Variants in GALNT18 observed in about 807,000 individuals in gnomAD.
GALNT18 encodes the protein polypeptide N-acetylgalactosaminyltransferase 18.
A neutral mutation model predicts 69.5 loss-of-function variants in GALNT18; 44 were observed. The ratio of observed to expected loss-of-function variants is 0.63; its 90% CI spans 0.50 to 0.81. The LOEUF is 0.81. Among genes scored for constraint, GALNT18 ranks in the 40% least tolerant of loss-of-function variants. The pLI is 0.00. For synonymous variants in GALNT18, 364 were observed against 318.2 expected (o/e 1.14, Z -1.53); for missense variants, 715 against 810.0 (o/e 0.88, Z 1.42).
At chr11:11,608,474 C>A (rs1461028576) in intron 1 of GALNT18, among the ~76,000 whole-genome samples, 1 of 152,082 alleles carries the variant, frequency 6.6e-6, no homozygotes, top group Non-Finnish European at 1.5e-5. Context: ...ATTCTCCTGC[C>A]TCAGTCTCCT....
rs1856148092 is a variant in GALNT18 at position 11,465,980 on chromosome 11, A to G, written c.236-17044T>C. ...AGTCAGGGCCCAAAGGAACCACAGG[A>G]GGCATCCATCCAGACCAGTGCTTCT... On this transcript the variant is annotated intron_variant, in intron 1 of 10. Transcript: ENST00000227756. The surrounding 1 kb of genome is among the most constrained non-coding windows in gnomAD (Gnocchi z 5.7). Among the ~76,000 whole-genome samples, 1 of 152,182 alleles carries G rather than the reference A, an allele frequency of 6.6e-6. No individual in the cohort carries two copies. Among genetic ancestry groups the G allele is most frequent in the Admixed American group, 6.5e-5 (1 of 15,284 alleles).
At position 11,436,783 on chromosome 11, in the gene GALNT18, A is replaced by G. The variant is rs1855412542; in HGVS notation, c.429-3996T>C. 6.6e-6 allele frequency among the ~76,000 whole-genome samples: 1 copy of G among 152,190 alleles called. No individual in the cohort carries two copies. Among genetic ancestry groups the G allele is most frequent in the South Asian group, 2.1e-4 (1 of 4,828 alleles). On this transcript the variant is annotated intron_variant, in intron 2 of 10. Coordinates refer to ENST00000227756, the MANE Select transcript of GALNT18 (RefSeq NM_198516.3). This position sits in a 1 kb window ranked among gnomAD's most constrained non-coding sequence, Gnocchi z 4.5. ...GCCATCCTCATCACTGCAGACACTG[A>G]ACTCAGGACAGAGGGCTTTGTGCTG...
At position 11,613,395 on chromosome 11, in the gene GALNT18, T is replaced by C. The variant is rs1859960774; in HGVS notation, c.235+7964A>G. Among the ~76,000 whole-genome samples the C allele has an allele frequency of 1.3e-5, 2 of 152,222 alleles. No homozygotes were observed. Among genetic ancestry groups the C allele is most frequent in the Admixed American group, 1.3e-4 (2 of 15,282 alleles). On this transcript the variant is annotated intron_variant, in intron 1 of 10. Transcript: ENST00000227756. The surrounding 1 kb of genome is among the most constrained non-coding windows in gnomAD (Gnocchi z 4.2). ...TTTAAGTACCAAAGCTTATGAATGA[T>C]TAGCTTTAACTCTAATAAATTAAAG...
chr11:11,414,609 C>A (rs1854810241), intron 3 of GALNT18, among the ~76,000 whole-genome samples: 1 of 152,152 alleles, frequency 6.6e-6, no homozygotes, highest in African/African-American at 2.4e-5. Context: ...TATTTCATAT[C>A]ATTCTTTTTA....
At chr11:11,298,382 G>T (rs908564809) in intron 9 of GALNT18, among the ~76,000 whole-genome samples, 15 of 152,258 alleles carry the variant, frequency 9.9e-5, no homozygotes, top group African/African-American at 3.4e-4. Flanking sequence ...AAAAACTTGT[G>T]AAGACACTCA....
chr11:11,300,510 C>G (rs548170525), intron 9 of GALNT18, among the ~76,000 whole-genome samples: 1 of 152,134 alleles, frequency 6.6e-6, no homozygotes, highest in African/African-American at 2.4e-5. Context: ...TTGGTTGCAG[C>G]CCAACAAGGA....
chr11:11,333,040 C>T (rs532782308), intron 7 of GALNT18, among the ~76,000 whole-genome samples: 8 of 150,630 alleles, frequency 5.3e-5, no homozygotes, highest in African/African-American at 1.2e-4. Flanking sequence ...TCAGCATTGC[C>T]GGGCCTTGTC....
At chr11:11,343,887 C>A (rs1850253974) in intron 6 of GALNT18, among the ~76,000 whole-genome samples, 1 of 152,162 alleles carries the variant, frequency 6.6e-6, no homozygotes, top group Non-Finnish European at 1.5e-5. Context: ...TCCCATCGTG[C>A]CTTTAGACAC....
intron 3 of GALNT18, among the ~76,000 whole-genome samples, chr11:11,406,687 G>A (rs1211364791): frequency 6.6e-6 from 1 of 152,242 alleles, no homozygotes; most frequent in African/African-American, 2.4e-5. Flanking sequence ...ATTTCAAAAT[G>A]TGGCCAAAGC....
At chr11:11,576,913 C>T (rs1858939120) in intron 1 of GALNT18, among the ~76,000 whole-genome samples, 1 of 152,212 alleles carries the variant, frequency 6.6e-6, no homozygotes, top group South Asian at 2.1e-4. Flanking sequence ...AGAGACAGAG[C>T]AGATGGGGTG....
intron 1 of GALNT18, among the ~76,000 whole-genome samples, chr11:11,594,820 T>C (rs938543559): frequency 1.2e-4 from 3 of 25,434 alleles, no homozygotes; most frequent in African/African-American, 2.4e-4. Flanking sequence ...CTTGGGCATA[T>C]ATATATATAT....
intron 2 of GALNT18, among the ~76,000 whole-genome samples, chr11:11,445,784 G>A (rs1855635300): frequency 6.6e-6 from 1 of 152,238 alleles, no homozygotes; most frequent in Non-Finnish European, 1.5e-5. Context: ...GCTGACAGAA[G>A]TTGCTTGGTG....
At chr11:11,489,299 G>A (rs928033173) in intron 1 of GALNT18, among the ~76,000 whole-genome samples, 1 of 152,182 alleles carries the variant, frequency 6.6e-6, no homozygotes, top group Non-Finnish European at 1.5e-5. Flanking sequence ...TGAGAGATGT[G>A]GGATCCCTGA....
At chr11:11,467,177 C>T (rs1162282464) in intron 1 of GALNT18, among the ~76,000 whole-genome samples, 1 of 152,064 alleles carries the variant, frequency 6.6e-6, no homozygotes, top group African/African-American at 2.4e-5. Context: ...CTATGTGTGC[C>T]CACGGCAGGC....
chr11:11,410,070 G>A (rs1013093198), intron 3 of GALNT18, among the ~76,000 whole-genome samples: 2 of 152,180 alleles, frequency 1.3e-5, no homozygotes. Flanking sequence ...TCTGGACGGG[G>A]CTCCCTGGCC....
intron 10 of GALNT18, among the ~76,000 whole-genome samples, chr11:11,278,616 T>A (rs547897959): frequency 6.6e-6 from 1 of 152,000 alleles, no homozygotes; most frequent in Non-Finnish European, 1.5e-5. Context: ...AAGACAAATT[T>A]TGCATGTTCT....
At chr11:11,503,596 G>A (rs144690745) in intron 1 of GALNT18, among the ~76,000 whole-genome samples, 111 of 152,310 alleles carry the variant, frequency 7.3e-4, no homozygotes, top group African/African-American at 2.6e-3. Context: ...CGCTAATAAA[G>A]TAAGCTCCCA....
intron 1 of GALNT18, among the ~76,000 whole-genome samples, chr11:11,608,464 A>C (rs1242368660): frequency 3.3e-5 from 5 of 152,042 alleles, no homozygotes; most frequent in Admixed American, 1.3e-4. Flanking sequence ...GGTTCAAGCA[A>C]TTCTCCTGCC....
rs974942269 is a variant in GALNT18, at chr11:11,475,208, G to A, written c.236-26272C>T. 7 of 137,606 alleles carry A rather than the reference G, an allele frequency of 5.1e-5. No homozygotes were observed. The East Asian group carries it at 8.8e-4, about 17-fold the overall frequency. The allele number at this position is 137,606 out of a possible 1,614,324, so 8.5% of individuals were successfully genotyped here. On this transcript the variant is annotated intron_variant, in intron 1 of 10. Transcript: ENST00000227756. ...CTTTCTTTTTTCTTATAACTACTTC[G>A]TGCCATTTCTCTCCATGCTTTCTAC...
Sources: gnomAD v4.1 joint callset for allele counts (sites outside exome capture counted in the v4.1 genomes callset) on GRCh38, gnomAD v4.1.1 for gene constraint, Gnocchi (gnomAD v3.1) non-coding constraint, MANE v1.5 for transcripts, NCBI Gene and HGNC (gene_info 2026-07-23, HGNC 2026-07-21) for gene names.